TNPO1: variants seen among roughly 807,000 people sequenced by gnomAD.
The protein encoded by TNPO1 is transportin-1.
A neutral mutation model predicts 119.5 loss-of-function variants in TNPO1; 8 were observed. The observed-to-expected ratio is 0.07, with a 90% confidence interval of 0.04 to 0.12. The LOEUF (loss-of-function observed/expected upper bound fraction) is 0.12, where lower values mean the gene tolerates loss of function less well. Ranked by LOEUF, TNPO1 falls within the 10% of genes least tolerant of loss-of-function variation. The pLI, the probability that TNPO1 is intolerant of heterozygous loss-of-function variation, is 1.00. For synonymous variants in TNPO1, 362 were observed against 363.0 expected (o/e 1.00, Z 0.03); for missense variants, 576 against 1,089.8 (o/e 0.53, Z 6.64).
intron 1 of TNPO1, among the ~76,000 whole-genome samples, chr5:72,845,971 CT>C (rs1391613336): frequency 6.6e-6 from 1 of 152,136 alleles, no homozygotes; most frequent in Non-Finnish European, 1.5e-5. Context: ...AAGGCTCAGA[CT>C]TTAAGTTCCC....
chr5:72,879,695 A>G (rs1748084308), intron 9 of TNPO1, among the ~76,000 whole-genome samples: 1 of 152,192 alleles, frequency 6.6e-6, no homozygotes, highest in African/African-American at 2.4e-5. Context: ...AGCTGTTTTT[A>G]TTGTTTTAGA....
chr5:72,893,847 G>C lies in TNPO1; in HGVS notation c.2143+144G>C, dbSNP rs1411369554. The stretch of plus-strand genomic sequence containing the variant: ...TTATTGGTTAAAGTAAACTTGCTGT[G>C]ATTGAAACAGGCAAGATGGCAGGAA... On this transcript the variant is annotated intron_variant, in intron 18 of 24. Coordinates refer to ENST00000337273, the MANE Select transcript of TNPO1 (RefSeq NM_002270.4). 5 of 805,590 alleles carry C rather than the reference G, an allele frequency of 6.2e-6. No homozygotes were observed. The African/African-American group carries it at 8.7e-5, about 14-fold the overall frequency. The allele number at this position is 805,590 out of a possible 1,614,324, so 49.9% of individuals were successfully genotyped here.
chr5:72,829,373 C>T (rs1744345541), intron 1 of TNPO1, among the ~76,000 whole-genome samples: 1 of 152,180 alleles, frequency 6.6e-6, no homozygotes, highest in Admixed American at 6.5e-5. Flanking sequence ...AAGATTGTTC[C>T]TGCTATTGAA....
intron 9 of TNPO1, among the ~76,000 whole-genome samples, chr5:72,881,220 C>T (rs961702433): frequency 2.0e-5 from 3 of 152,150 alleles, no homozygotes; most frequent in Non-Finnish European, 2.9e-5. Flanking sequence ...AAGTGATTCT[C>T]CTGCCTCAGC....
intron 11 of TNPO1, 89 bp from the exon 12 acceptor site, chr5:72,886,981 G>A: frequency 2.6e-6 from 3 of 1,147,100 alleles, no homozygotes; most frequent in Non-Finnish European, 3.5e-6. Flanking sequence ...CTCCGTATTA[G>A]AGATACGAAT....
chr5:72,854,959 A>AT (rs558524461), intron 3 of TNPO1, among the ~76,000 whole-genome samples: 11 of 152,020 alleles, frequency 7.2e-5, no homozygotes, highest in Admixed American at 2.6e-4. Context: ...TCAATATTAT[A>AT]TTTTTTTGAC....
At chr5:72,862,022 A>G in intron 5 of TNPO1, 108 bp downstream of exon 5, 1 of 693,186 alleles carries the variant, frequency 1.4e-6, no homozygotes, top group Non-Finnish European at 2.4e-6. Context: ...ACAGCTTCTC[A>G]AAACTTAGAA....
intron 1 of TNPO1, among the ~76,000 whole-genome samples, chr5:72,823,557 A>G (rs74665224): frequency 6.6e-6 from 1 of 152,040 alleles, no homozygotes; most frequent in African/African-American, 2.4e-5. Context: ...TTCTGACCCC[A>G]ATGGAATCTC....
Position 72,888,115 on chromosome 5 carries a change from T to C in TNPO1, c.1341T>C (p.Leu447=). The change falls in exon 13 of 25, where the codon CTT becomes CTC. Residue 447 remains leucine, a synonymous_variant. Transcript: ENST00000337273. The part of the protein sequence containing the change: ...MQGMIPYLPE[L]IPHLIQCLSD... ...GCATGATTCCATACTTGCCTGAGCT[T>C]ATTCCTCACCTTATTCAGTGCCTCT... is the stretch of plus-strand genomic sequence containing the variant. 6.2e-7 allele frequency: 1 copy of C among 1,614,190 alleles called. No homozygotes were observed. Among genetic ancestry groups the C allele is most frequent in the Non-Finnish European group, 8.5e-7 (1 of 1,180,036 alleles).
chr5:72,848,554 A>G, intron 2 of TNPO1, 56 bp downstream of exon 2: 1 of 1,172,082 alleles, frequency 8.5e-7, no homozygotes, highest in Admixed American at 4.0e-5. Context: ...GCTGCGGCCC[A>G]GCCCCCGGCG....
At chr5:72,854,418 A>T (rs765788999) in intron 3 of TNPO1, among the ~76,000 whole-genome samples, 1 of 152,216 alleles carries the variant, frequency 6.6e-6, no homozygotes, top group Non-Finnish European at 1.5e-5. Context: ...GAGTTTGGGA[A>T]CATCATACTA....
At chr5:72,848,605 T>G in intron 2 of TNPO1, 107 bp downstream of exon 2, 10 of 484,482 alleles carry the variant, frequency 2.1e-5, no homozygotes, top group South Asian at 6.8e-5. Context: ...CCCTCCCCCA[T>G]CCTCCGAGAC....
intron 5 of TNPO1, among the ~76,000 whole-genome samples, chr5:72,864,138 TAAAA>T (rs202045180): frequency 6.7e-6 from 1 of 149,166 alleles, no homozygotes; most frequent in Non-Finnish European, 1.5e-5. Flanking sequence ...AAAGCTTTTT[TAAAA>T]AAAAAACCTT....
intron 1 of TNPO1, 120 bp from the exon 2 acceptor site, chr5:72,848,265 G>C: frequency 7.6e-7 from 1 of 1,311,616 alleles, no homozygotes; most frequent in Admixed American, 3.5e-5. Flanking sequence ...CGCGGCGTTT[G>C]GGGAGCGCTG....
rs1469988042 is a variant in TNPO1 at position 72,910,997 on chromosome 5, GCCTC to G, written c.*2328_*2331del. 2 of 151,940 alleles carry G rather than the reference GCCTC, an allele frequency of 1.3e-5. No homozygotes were observed. Among genetic ancestry groups the G allele is most frequent in the Non-Finnish European group, 2.9e-5 (2 of 67,912 alleles). 9.4% of individuals were successfully genotyped at this position (151,940 alleles called of 1,614,324 possible). A position where few individuals can be genotyped will look rare whatever the true frequency, so the allele number is the denominator to read the frequency against. ...TTGCTTCACTGGGAGCTCAAAATTT[GCCTC>G]CCTGTTAGTCTTTAATAACTGAGTA... On this transcript the variant is annotated 3_prime_UTR_variant, in exon 25 of 25. Transcript: ENST00000337273.
chr5:72,899,924 C>T, intron 20 of TNPO1, 82 bp from the exon 21 acceptor site: 2 of 1,097,930 alleles, frequency 1.8e-6, no homozygotes, highest in Non-Finnish European at 2.7e-6. Flanking sequence ...GTTGTTTTTT[C>T]TTTATTTTTT....
rs74476280 is a variant in TNPO1 at position 72,826,571 on chromosome 5, A to G, written c.15+9819A>G. Among the ~76,000 whole-genome samples, 755 of 152,314 alleles carry G rather than the reference A, an allele frequency of 5.0e-3. 8 individuals carry two copies. The highest frequency in any genetic ancestry group is 0.017 in the African/African-American group (724 of 41,554). On this transcript the variant is annotated intron_variant, in intron 1 of 24. Coordinates refer to ENST00000337273, the MANE Select transcript of TNPO1 (RefSeq NM_002270.4). ...GATACAGATACAGAGCCTAGAATGT[A>G]GTAGACACTTAGTAAGTATTTGTTA...
At chr5:72,893,313 T>A (rs1364766659) in intron 16 of TNPO1, 64 bp from the exon 17 acceptor site, 3 of 1,604,808 alleles carry the variant, frequency 1.9e-6, no homozygotes, top group Non-Finnish European at 2.6e-6. Context: ...AGGTATAATG[T>A]ATACAGACTT....
chr5:72,899,518 G>A lies in TNPO1; in HGVS notation c.2339-488G>A, dbSNP rs528372517. 3.3e-5 allele frequency among the ~76,000 whole-genome samples: 5 copies of A among 152,156 alleles called. No individual in the cohort carries two copies. The South Asian group carries it at 1.0e-3, about 32-fold the overall frequency. On this transcript the variant is annotated intron_variant, in intron 20 of 24. Transcript: ENST00000337273. ...ATTCCCTAGATAATTTCCAAGGAATGGAAATCACTTTCACCTGTATTAGTT... is the reference window on the plus strand; with the variant it reads ...ATTCCCTAGATAATTTCCAAGGAATAGAAATCACTTTCACCTGTATTAGTT...
Sources: gnomAD v4.1 joint callset for allele counts (sites outside exome capture counted in the v4.1 genomes callset) on GRCh38, gnomAD v4.1.1 for gene constraint, MANE v1.5 for transcripts, NCBI Gene and HGNC (gene_info 2026-07-23, HGNC 2026-07-21) for gene names.